AFG1L: variants seen among roughly 807,000 people sequenced by gnomAD.
The protein encoded by AFG1L is AFG1 like ATPase, also known as AFG1-like ATPase.
In AFG1L, 53 loss-of-function variants were observed where a neutral mutation model predicts 62.2. The ratio of observed to expected loss-of-function variants is 0.85; its 90% CI spans 0.68 to 1.07. The LOEUF (loss-of-function observed/expected upper bound fraction) is 1.07. AFG1L is among the 50% of genes least tolerant of loss of function. AFG1L has a pLI of 0.00. For synonymous variants in AFG1L, 228 were observed against 210.3 expected (o/e 1.08, Z -0.73); for missense variants, 555 against 590.5 (o/e 0.94, Z 0.62).
At chr6:108,411,900 A>T (rs1012919713) in intron 7 of AFG1L, among the ~76,000 whole-genome samples, 1 of 152,240 alleles carries the variant, frequency 6.6e-6, no homozygotes, top group African/African-American at 2.4e-5. Context: ...ACAAAGCTGG[A>T]CAGAGAATGA....
intron 8 of AFG1L, among the ~76,000 whole-genome samples, chr6:108,463,353 A>G (rs17291068): frequency 0.15 from 21,473 of 146,508 alleles, 1,944 homozygotes; most frequent in Non-Finnish European, 0.2. Flanking sequence ...GGATGTGACC[A>G]TCTTTTTCTC....
chr6:108,466,795 C>CTATA (rs1021957201), intron 8 of AFG1L, among the ~76,000 whole-genome samples: 1 of 147,276 alleles, frequency 6.8e-6, no homozygotes, highest in Non-Finnish European at 1.5e-5. Context: ...ATATTTTAAA[C>CTATA]TATATATATA....
rs556995730 is a variant in AFG1L, at chr6:108,417,212, C to T, written c.807+15158C>T. Among the ~76,000 whole-genome samples the T allele has an allele frequency of 2.1e-3, 304 of 145,030 alleles. 1 individual carries two copies. The highest frequency in any genetic ancestry group is 3.3e-3 in the South Asian group (15 of 4,534). ...TTGCACCACTGGATTCCAGCGTGGGCGACAGAGCAAGACATTGTCTTAAAC... is the reference window on the plus strand; with the variant it reads ...TTGCACCACTGGATTCCAGCGTGGGTGACAGAGCAAGACATTGTCTTAAAC... On this transcript the variant is annotated intron_variant, in intron 7 of 12. Coordinates refer to ENST00000368977, the MANE Select transcript of AFG1L (RefSeq NM_145315.5).
chr6:108,406,275 T>A (rs1052874757), intron 7 of AFG1L, among the ~76,000 whole-genome samples: 1 of 152,134 alleles, frequency 6.6e-6, no homozygotes, highest in Non-Finnish European at 1.5e-5. Flanking sequence ...CCAGTTTCTC[T>A]GCATTTTCCC....
chr6:108,451,341 A>G (rs1286795603), intron 8 of AFG1L, among the ~76,000 whole-genome samples: 1 of 152,232 alleles, frequency 6.6e-6, no homozygotes, highest in Non-Finnish European at 1.5e-5. Context: ...AATAATATCA[A>G]GAATTACCAC....
chr6:108,369,947 G>GATCTATCTATCTATCTATCTATCTAT (rs1554189699), intron 6 of AFG1L, among the ~76,000 whole-genome samples: 1 of 130,154 alleles, frequency 7.7e-6, no homozygotes, highest in Non-Finnish European at 1.6e-5. Context: ...TGGCTGGCTG[G>GATCTATCTATCTATCTATCTATCTAT]CTATCTATCT....
intron 2 of AFG1L, among the ~76,000 whole-genome samples, chr6:108,327,357 G>A (rs191932383): frequency 1.4e-4 from 21 of 152,280 alleles, no homozygotes; most frequent in South Asian, 4.1e-4. Context: ...CATTGTCTTC[G>A]TCCACTTGGG....
intron 8 of AFG1L, among the ~76,000 whole-genome samples, chr6:108,471,504 A>G (rs1772896061): frequency 7.9e-6 from 1 of 126,536 alleles, no homozygotes; most frequent in South Asian, 2.4e-4. Context: ...ACTGTTGCCC[A>G]GGCTGGAGTG....
chr6:108,480,691 A>G (rs1463330920), intron 10 of AFG1L, among the ~76,000 whole-genome samples: 2 of 152,126 alleles, frequency 1.3e-5, no homozygotes, highest in Admixed American at 1.3e-4. Context: ...CCAGCTACTC[A>G]GGAGGCTGAG....
chr6:108,503,259 A>G (rs1774273559), intron 10 of AFG1L, among the ~76,000 whole-genome samples: 1 of 152,252 alleles, frequency 6.6e-6, no homozygotes, highest in African/African-American at 2.4e-5. Flanking sequence ...AACTTAGCCC[A>G]GATCCATCAC....
intron 10 of AFG1L, among the ~76,000 whole-genome samples, chr6:108,495,113 G>A (rs1270948527): frequency 2.0e-5 from 3 of 151,974 alleles, no homozygotes; most frequent in Non-Finnish European, 4.4e-5. Context: ...TTTGGAATCT[G>A]GCACATAAAA....
At chr6:108,323,350 A>G (rs981763280) in intron 1 of AFG1L, among the ~76,000 whole-genome samples, 3 of 152,090 alleles carry the variant, frequency 2.0e-5, no homozygotes, top group Non-Finnish European at 1.5e-5. Context: ...AAACAATTAG[A>G]AATATATTCA....
At chr6:108,374,490 A>G (rs1026399980) in intron 6 of AFG1L, among the ~76,000 whole-genome samples, 4 of 152,086 alleles carry the variant, frequency 2.6e-5, no homozygotes, top group Non-Finnish European at 5.9e-5. Flanking sequence ...TAAATCTTTG[A>G]TTCATCTTGA....
intron 4 of AFG1L, among the ~76,000 whole-genome samples, chr6:108,356,052 G>A (rs928380085): frequency 4.6e-5 from 7 of 152,200 alleles, no homozygotes; most frequent in African/African-American, 1.7e-4. Context: ...GTTTAAATAA[G>A]TGATTCTTGA....
chr6:108,435,810 C>T (rs1771284464), intron 7 of AFG1L, among the ~76,000 whole-genome samples: 1 of 152,158 alleles, frequency 6.6e-6, no homozygotes, highest in African/African-American at 2.4e-5. Flanking sequence ...ATAAAAGCTC[C>T]TTGAGAAAGG....
Position 108,476,650 on chromosome 6 carries a change from C to T in AFG1L, c.891-215C>T, listed in dbSNP as rs146967874. ...TCATTACTGGAAACAGCTAGAAGCA[C>T]AGAAGTCTTTCAGTGTATGCAAATA... On this transcript the variant is annotated intron_variant, in intron 8 of 12. Transcript: ENST00000368977. 2.5e-4 allele frequency among the ~76,000 whole-genome samples: 38 copies of T among 152,290 alleles called. No homozygotes were observed. In the East Asian group the frequency reaches 7.1e-3, roughly 29 times the overall value.
At chr6:108,448,882 G>A (rs895618900) in intron 8 of AFG1L, among the ~76,000 whole-genome samples, 9 of 152,156 alleles carry the variant, frequency 5.9e-5, no homozygotes, top group African/African-American at 2.2e-4. Flanking sequence ...AGGCACAATG[G>A]CTCATGCCTA....
chr6:108,422,282 T>C (rs1429258870), intron 7 of AFG1L, among the ~76,000 whole-genome samples: 1 of 151,726 alleles, frequency 6.6e-6, no homozygotes, highest in Non-Finnish European at 1.5e-5. Flanking sequence ...AAATTATTCT[T>C]GAGAAAGCAT....
At chr6:108,370,530 A>C (rs866966823) in intron 6 of AFG1L, among the ~76,000 whole-genome samples, 22 of 152,222 alleles carry the variant, frequency 1.4e-4, no homozygotes, top group Middle Eastern at 6.8e-3. Context: ...ATATAGCCAA[A>C]GTATCCTATA....
Sources: allele counts gnomAD v4.1 joint callset (sites outside exome capture counted in the v4.1 genomes callset), GRCh38; gene constraint gnomAD v4.1.1; transcripts MANE v1.5; gene names NCBI Gene and HGNC (gene_info 2026-07-23, HGNC 2026-07-21).